ATRX: variants seen among roughly 807,000 people sequenced by gnomAD.
The protein encoded by ATRX is ATRX chromatin remodeler.
In ATRX, 12 loss-of-function variants were observed where a neutral mutation model predicts 172.6. The ratio of observed to expected loss-of-function variants is 0.07; its 90% CI spans 0.04 to 0.11. The LOEUF is 0.11. Ranked by LOEUF, ATRX falls within the 10% of genes least tolerant of loss-of-function variation. The pLI is 1.00. For synonymous variants in ATRX, 674 were observed against 594.7 expected (o/e 1.13, Z -1.94); for missense variants, 1,368 against 1,767.4 (o/e 0.77, Z 4.05).
chrX:77,642,038 C>T (rs1469623835), intron 15 of ATRX, among the ~76,000 whole-genome samples: 1 of 111,046 alleles, frequency 9.0e-6, no homozygotes, highest in South Asian at 3.8e-4. Context: ...CTTGTTTCTA[C>T]GAAAAGTTTA....
At chrX:77,732,460 CA>C (rs782249197) in intron 1 of ATRX, among the ~76,000 whole-genome samples, 1 of 111,771 alleles carries the variant, frequency 8.9e-6, no homozygotes, top group Non-Finnish European at 1.9e-5. Context: ...ACCCTGTTAC[CA>C]AAACCTGACA....
intron 27 of ATRX, among the ~76,000 whole-genome samples, chrX:77,585,583 CAAAAAAAAAAAAAAAA>C (rs781792876): frequency 0.014 from 121 of 8,546 alleles, no homozygotes; most frequent in African/African-American, 0.034. Flanking sequence ...CTCCCCCCAC[CAAAAAAAAAAAAAAAA>C]AAAAAAAAAA....
chrX:77,569,878 C>G (rs1471505159), intron 28 of ATRX, among the ~76,000 whole-genome samples: 1 of 111,818 alleles, frequency 8.9e-6, no homozygotes, highest in Non-Finnish European at 1.9e-5. Context: ...AGGTTTAATA[C>G]AATACCTATT....
At position 77,605,926 on chromosome X, in the gene ATRX, A is replaced by G. The variant is rs782342226; in HGVS notation, c.5567-5362T>C. 6.3e-5 allele frequency among the ~76,000 whole-genome samples: 7 copies of G among 111,861 alleles called. No individual in the cohort carries two copies. In the East Asian group the frequency reaches 1.4e-3, roughly 22 times the overall value. ...AATGGAAAAGGAGACATTAAAACTG[A>G]TACCACAGAAATTTAAATGACCATT... On this transcript the variant is annotated intron_variant, in intron 22 of 34. Transcript: ENST00000373344.
At chrX:77,575,390 T>A (rs979052135) in intron 27 of ATRX, among the ~76,000 whole-genome samples, 2 of 110,010 alleles carry the variant, frequency 1.8e-5, no homozygotes, top group African/African-American at 6.6e-5. Context: ...GGCATACACA[T>A]CCAAGAAAAA....
At chrX:77,760,629 T>A (rs2148906683) in intron 1 of ATRX, among the ~76,000 whole-genome samples, 1 of 110,863 alleles carries the variant, frequency 9.0e-6, no homozygotes, top group South Asian at 3.8e-4. Context: ...TAAAAATAAA[T>A]AAATAAACTG....
chrX:77,681,827 C>A lies in ATRX; in HGVS notation c.3429G>T (p.Lys1143Asn), dbSNP rs782073789. The change falls in exon 9 of 35, where the codon AAG becomes AAT. Residue 1143 changes from lysine (K) to asparagine (N), a missense_variant. Coordinates refer to ENST00000373344, the MANE Select transcript of ATRX (RefSeq NM_000489.6). ...CACTTTGTATTTCCTTAGTATTTCT[C>A]TTTGAACTTAAATTTCTTCTTTCCC... is the stretch of plus-strand genomic sequence containing the variant. ...ELRERRNLSS[K>N]RNTKEIQSGS... 1 of 1,200,871 alleles carries A rather than the reference C, an allele frequency of 8.3e-7. No homozygotes were observed. The highest frequency in any genetic ancestry group is 1.1e-6 in the Non-Finnish European group (1 of 891,348).
intron 22 of ATRX, among the ~76,000 whole-genome samples, chrX:77,614,772 T>G (rs1261343233): frequency 2.7e-5 from 3 of 111,511 alleles, no homozygotes; most frequent in South Asian, 3.8e-4. Context: ...AAATGCACTG[T>G]TGTTAACTAC....
Position 77,592,007 on chromosome X carries a change from A to G in ATRX, c.6110+1689T>C, listed in dbSNP as rs782664584. ...TCTATACTAATGGTTCTCTCTATTA[A>G]CCTTTTCCAGTTGCAGACAACATGA... On this transcript the variant is annotated intron_variant, in intron 26 of 34. Transcript: ENST00000373344. Among the ~76,000 whole-genome samples the G allele has an allele frequency of 7.1e-5, 8 of 111,996 alleles. No homozygotes were observed. The South Asian group carries it at 2.9e-3, about 41-fold the overall frequency.
At chrX:77,514,415 A>T (rs958716003) in intron 34 of ATRX, among the ~76,000 whole-genome samples, 4 of 112,014 alleles carry the variant, frequency 3.6e-5, no homozygotes, top group African/African-American at 1.3e-4. Flanking sequence ...AGACACACAG[A>T]CCAATGGAAC....
intron 30 of ATRX, among the ~76,000 whole-genome samples, chrX:77,538,230 A>AACACACACACACACACAC (rs34675782): frequency 3.1e-5 from 3 of 95,992 alleles, no homozygotes; most frequent in African/African-American, 1.1e-4. Context: ...TACACACACA[A>AACACACACACACACACAC]ACACACACAC....
chrX:77,614,999 GT>G (rs2067298665), intron 22 of ATRX, among the ~76,000 whole-genome samples: 74 of 16,621 alleles, frequency 4.5e-3, no homozygotes, highest in South Asian at 8.5e-3. Context: ...GGTGGTGGTG[GT>G]TGTTGTTGTT....
chrX:77,515,334 T>C (rs782532683), intron 34 of ATRX, among the ~76,000 whole-genome samples: 2 of 108,573 alleles, frequency 1.8e-5, no homozygotes, highest in African/African-American at 3.4e-5. Flanking sequence ...AGCAAAAACA[T>C]GGAATAAAGC....
chrX:77,674,014 G>A (rs2070747221), intron 10 of ATRX: 1 of 110,426 alleles, frequency 9.1e-6, no homozygotes, highest in Middle Eastern at 4.8e-3. Context: ...ATACACTATC[G>A]CTTCATAAAC....
intron 32 of ATRX, 47 bp from the exon 33 acceptor site, chrX:77,521,545 A>G (rs1557041396): frequency 1.0e-6 from 1 of 992,465 alleles, no homozygotes; most frequent in African/African-American, 1.9e-5. Context: ...AAGACAGCAT[A>G]GTGTTAAAGT....
In ATRX at chrX:77,553,231, T is replaced by G. The variant is rs373130426; in HGVS notation, c.6699+4220A>C. Among the ~76,000 whole-genome samples the G allele has an allele frequency of 3.1e-4, 35 of 111,587 alleles. No individual in the cohort carries two copies. In the East Asian group the frequency reaches 5.9e-3, roughly 19 times the overall value. ...TCTTACATGAAATTCTAATTATAAA[T>G]CAAGGGAACATTAATAATTACTGAG... On this transcript the variant is annotated intron_variant, in intron 30 of 34. Coordinates refer to ENST00000373344, the MANE Select transcript of ATRX (RefSeq NM_000489.6).
chrX:77,539,824 C>T (rs782534171), intron 30 of ATRX, among the ~76,000 whole-genome samples: 9 of 111,983 alleles, frequency 8.0e-5, no homozygotes, highest in African/African-American at 2.9e-4. Flanking sequence ...AAGCACTAAA[C>T]ATGGAAAGGA....
At chrX:77,744,951 G>A (rs1049834672) in intron 1 of ATRX, among the ~76,000 whole-genome samples, 3 of 108,460 alleles carry the variant, frequency 2.8e-5, no homozygotes, top group Non-Finnish European at 5.7e-5. Flanking sequence ...AGCCGAGATC[G>A]CACCACTGCA....
At chrX:77,563,106 C>T (rs948313538) in intron 28 of ATRX, among the ~76,000 whole-genome samples, 2 of 112,076 alleles carry the variant, frequency 1.8e-5, no homozygotes, top group Non-Finnish European at 3.8e-5. Flanking sequence ...TGATTAAGTC[C>T]AATTATTGAT....
Sources: gnomAD v4.1 joint callset for allele counts (sites outside exome capture counted in the v4.1 genomes callset) on GRCh38, gnomAD v4.1.1 for gene constraint, MANE v1.5 for transcripts, NCBI Gene and HGNC (gene_info 2026-07-23, HGNC 2026-07-21) for gene names.